The following TRPM3 variants were observed in gnomAD, a reference collection of about 807,000 sequenced individuals.
TRPM3 encodes transient receptor potential cation channel subfamily M member 3.
TRPM3 carries 77 observed loss-of-function variants against 181.2 expected under a neutral mutation model. That is an observed-to-expected ratio of 0.42 (90% CI 0.35 to 0.51). The LOEUF (loss-of-function observed/expected upper bound fraction) is 0.51. TRPM3 is among the 20% of genes least tolerant of loss of function. The probability of loss-of-function intolerance (pLI) is 0.01; values close to 1 mark genes in which losing one functional copy is unlikely to be tolerated. For synonymous variants in TRPM3, 745 were observed against 796.4 expected, an observed-to-expected ratio of 0.94 and a Z score of 1.09; for missense variants, 1,759 against 2,196.7, an observed-to-expected ratio of 0.80 and a Z score of 3.98.
chr9:71,433,303 C>T (rs2093985503), intron 1 of TRPM3, among the ~76,000 whole-genome samples: 2 of 152,144 alleles, frequency 1.3e-5, no homozygotes, highest in South Asian at 2.1e-4. Context: ...TGGGCAGTTA[C>T]CCCCGTGCTG....
intron 1 of TRPM3, among the ~76,000 whole-genome samples, chr9:71,420,986 AAAGAGAGAGAAAAAG>A (rs2093756624): frequency 1.0e-5 from 1 of 98,962 alleles, no homozygotes; most frequent in Non-Finnish European, 2.0e-5. Context: ...AGAGAGAGAA[AAAGAGAGAGAAAAAG>A]AGAGAAAAAG....
chr9:71,423,360 T>A (rs576829081), intron 1 of TRPM3, among the ~76,000 whole-genome samples: 1 of 152,148 alleles, frequency 6.6e-6, no homozygotes. Flanking sequence ...AAGTTTCATC[T>A]TCTTTGCAAC....
At chr9:71,282,242 T>TGAAA (rs1276924935) in intron 1 of TRPM3, among the ~76,000 whole-genome samples, 2 of 17,544 alleles carry the variant, frequency 1.1e-4, no homozygotes. Context: ...AAAGAAAGAA[T>TGAAA]GAAAGAAAGA....
At chr9:70,552,716 C>G in intron 24 of TRPM3, 128 bp downstream of exon 24, 1 of 931,132 alleles carries the variant, frequency 1.1e-6, no homozygotes, top group Non-Finnish European at 1.7e-6. Context: ...GCTCTCCAAG[C>G]CTTCAGAGCT....
At chr9:70,915,286 A>T (rs2096579965) in intron 1 of TRPM3, among the ~76,000 whole-genome samples, 1 of 151,990 alleles carries the variant, frequency 6.6e-6, no homozygotes, top group Admixed American at 6.6e-5. Flanking sequence ...GAGCTAAAAA[A>T]TGCATCAGAG....
chr9:70,965,849 T>C (rs1489806012), intron 1 of TRPM3, among the ~76,000 whole-genome samples: 2 of 151,794 alleles, frequency 1.3e-5, no homozygotes, highest in African/African-American at 2.4e-5. Flanking sequence ...TTTCTTAGGA[T>C]AGTACCAGTA....
intron 1 of TRPM3, among the ~76,000 whole-genome samples, chr9:70,882,786 A>G (rs889547700): frequency 1.1e-4 from 17 of 152,138 alleles, no homozygotes; most frequent in African/African-American, 4.1e-4. Flanking sequence ...TCTACCTTGA[A>G]TTGTTGAGGT....
rs533283527 is a variant in TRPM3 at position 70,799,249 on chromosome 9, T to C, written c.974-14970A>G. ...TGGTATGTTTTCACAGCTCAAGTGCTGTAAGCTAGGGGTGACCTTCATTCA... is the reference window on the plus strand; with the variant it reads ...TGGTATGTTTTCACAGCTCAAGTGCCGTAAGCTAGGGGTGACCTTCATTCA... On this transcript the variant is annotated intron_variant, in intron 6 of 25. Coordinates refer to ENST00000677713, the MANE Select transcript of TRPM3 (RefSeq NM_001366145.2). Among the ~76,000 whole-genome samples the C allele has an allele frequency of 3.3e-5, 5 of 152,310 alleles. No individual in the cohort carries two copies. In the South Asian group the frequency reaches 1.0e-3, roughly 32 times the overall value.
intron 1 of TRPM3, among the ~76,000 whole-genome samples, chr9:71,198,484 T>C (rs2078545252): frequency 6.6e-6 from 1 of 152,370 alleles, no homozygotes; most frequent in African/African-American, 2.4e-5. Context: ...CTTCATGATA[T>C]TGATTCTTCC....
At chr9:71,364,429 G>T (rs902821353) in intron 1 of TRPM3, among the ~76,000 whole-genome samples, 1 of 152,224 alleles carries the variant, frequency 6.6e-6, no homozygotes, top group African/African-American at 2.4e-5. Flanking sequence ...AGAGTAAAAT[G>T]TGCATGTGGT....
intron 12 of TRPM3, among the ~76,000 whole-genome samples, chr9:70,629,228 G>GGGGGGGGGT: frequency 1.2e-5 from 1 of 80,406 alleles, no homozygotes; most frequent in Non-Finnish European, 2.9e-5. Flanking sequence ...GGGGGGGGGG[G>GGGGGGGGGT]GCCTGCGTTC....
At chr9:70,800,088 C>A (rs1236416676) in intron 6 of TRPM3, among the ~76,000 whole-genome samples, 8 of 152,060 alleles carry the variant, frequency 5.3e-5, no homozygotes, top group Non-Finnish European at 1.2e-4. Flanking sequence ...TGAACATGAA[C>A]TATTTTTTTC....
chr9:71,343,018 A>G (rs934014681), intron 1 of TRPM3, among the ~76,000 whole-genome samples: 1 of 152,114 alleles, frequency 6.6e-6, no homozygotes, highest in Non-Finnish European at 1.5e-5. Flanking sequence ...AAAAAAATAA[A>G]TATGCTTATT....
At chr9:70,852,237 C>T (rs2095260831) in intron 3 of TRPM3, among the ~76,000 whole-genome samples, 1 of 151,156 alleles carries the variant, frequency 6.6e-6, no homozygotes, top group African/African-American at 2.4e-5. Flanking sequence ...GCACCAGGCA[C>T]ATGCATGCTG....
chr9:71,288,407 A>T (rs2085486637), intron 1 of TRPM3, among the ~76,000 whole-genome samples: 1 of 152,108 alleles, frequency 6.6e-6, no homozygotes, highest in Non-Finnish European at 1.5e-5. Flanking sequence ...ACATATGTGC[A>T]CATGTGTATA....
chr9:71,287,110 G>A (rs2309918), intron 1 of TRPM3, among the ~76,000 whole-genome samples: 31,643 of 142,224 alleles, frequency 0.22, 3,857 homozygotes, highest in African/African-American at 0.3. Context: ...ATATAAAATT[G>A]TATAAAATAT....
intron 1 of TRPM3, among the ~76,000 whole-genome samples, chr9:71,355,961 C>T (rs949482977): frequency 1.3e-5 from 2 of 152,024 alleles, no homozygotes; most frequent in Non-Finnish European, 2.9e-5. Context: ...AACCATTACA[C>T]TTAGAAAAAG....
chr9:71,316,804 G>T (rs2088637038), intron 1 of TRPM3, among the ~76,000 whole-genome samples: 1 of 151,966 alleles, frequency 6.6e-6, no homozygotes, highest in African/African-American at 2.4e-5. Context: ...TTAAGATTGT[G>T]GGAATTAATT....
upstream of TRPM3, among the ~76,000 whole-genome samples, chr9:71,125,668 A>T (rs1476028729): frequency 6.6e-6 from 1 of 152,204 alleles, no homozygotes; most frequent in Non-Finnish European, 1.5e-5. Context: ...GGTGTACATT[A>T]TCTTTAAAAT....
Sources: gnomAD v4.1 joint callset for allele counts (sites outside exome capture counted in the v4.1 genomes callset) on GRCh38, gnomAD v4.1.1 for gene constraint, MANE v1.5 for transcripts, NCBI Gene and HGNC (gene_info 2026-07-23, HGNC 2026-07-21) for gene names.